The following ADAMTSL1 variants were observed in gnomAD, a reference collection of about 807,000 sequenced individuals.
ADAMTSL1 encodes the protein ADAMTS-like protein 1.
ADAMTSL1 carries 126 observed loss-of-function variants against 201.8 expected under a neutral mutation model. That is an observed-to-expected ratio of 0.62 (90% CI 0.54 to 0.72). The LOEUF is 0.72. Among genes scored for constraint, ADAMTSL1 ranks in the 30% least tolerant of loss-of-function variants. The pLI is 0.00. For missense variants in ADAMTSL1, 2,679 were observed against 2,277.8 expected (o/e 1.18, Z -3.59); for synonymous variants, 1,121 against 903.4 (o/e 1.24, Z -4.32).
At chr9:18,009,825 A>C (rs533536244) in intron 1 of ADAMTSL1, among the ~76,000 whole-genome samples, 3 of 152,138 alleles carry the variant, frequency 2.0e-5, no homozygotes, top group African/African-American at 7.2e-5. Flanking sequence ...TCACGAAGCA[A>C]TTCTGCTTGT....
At chr9:18,528,470 T>G (rs1819235477) in intron 2 of ADAMTSL1, among the ~76,000 whole-genome samples, 1 of 152,182 alleles carries the variant, frequency 6.6e-6, no homozygotes, top group Non-Finnish European at 1.5e-5. Flanking sequence ...TGATTTTCTG[T>G]TCCTCCATTA....
intron 1 of ADAMTSL1, among the ~76,000 whole-genome samples, chr9:17,952,447 AC>A (rs1827763089): frequency 6.6e-6 from 1 of 152,032 alleles, no homozygotes; most frequent in Non-Finnish European, 1.5e-5. Context: ...AAGACAGTTT[AC>A]TAACTAGTCT....
At chr9:18,538,339 G>A (rs971273671) in intron 3 of ADAMTSL1, among the ~76,000 whole-genome samples, 7 of 152,048 alleles carry the variant, frequency 4.6e-5, no homozygotes, top group South Asian at 4.1e-4. Context: ...GGCAAAGGCC[G>A]CGGCATTATA....
chr9:18,165,300 T>A (rs1396895583), intron 2 of ADAMTSL1, among the ~76,000 whole-genome samples: 1 of 151,932 alleles, frequency 6.6e-6, no homozygotes, highest in Non-Finnish European at 1.5e-5. Flanking sequence ...AGATACTACA[T>A]GAAAACTTCA....
At chr9:18,816,455 T>C (rs558931029) in intron 20 of ADAMTSL1, among the ~76,000 whole-genome samples, 2 of 152,252 alleles carry the variant, frequency 1.3e-5, no homozygotes, top group African/African-American at 4.8e-5. Flanking sequence ...CAGGCTAGTC[T>C]CAAACTCCTG....
intron 19 of ADAMTSL1, 34 bp from the exon 20 acceptor site, chr9:18,795,363 T>A: frequency 6.2e-7 from 1 of 1,612,458 alleles, no homozygotes; most frequent in South Asian, 1.1e-5. Context: ...TCAACTGACT[T>A]GACCAGGTCT....
At chr9:18,550,346 C>A (rs560097638) in intron 3 of ADAMTSL1, among the ~76,000 whole-genome samples, 2 of 151,986 alleles carry the variant, frequency 1.3e-5, no homozygotes, top group South Asian at 4.2e-4. Flanking sequence ...CTCCTAAAAG[C>A]AGAGCGCTTT....
At chr9:17,983,079 T>TC (rs1818784732) in intron 1 of ADAMTSL1, among the ~76,000 whole-genome samples, 1 of 136,682 alleles carries the variant, frequency 7.3e-6, no homozygotes, top group African/African-American at 2.7e-5. Context: ...TTTCTTTCTT[T>TC]TTTTTTTTTG....
chr9:18,727,093 CA>C, intron 15 of ADAMTSL1, among the ~76,000 whole-genome samples: 1 of 152,328 alleles, frequency 6.6e-6, no homozygotes, highest in Admixed American at 6.5e-5. Context: ...TGTATACTAG[CA>C]GCAAATGATT....
At chr9:18,854,751 G>A (rs767600650) in intron 23 of ADAMTSL1, among the ~76,000 whole-genome samples, 4 of 152,066 alleles carry the variant, frequency 2.6e-5, no homozygotes, top group Admixed American at 6.6e-5. Context: ...ACTGGAGAGG[G>A]TGGAAGAACA....
chr9:18,714,655 A>G (rs1450235351), intron 14 of ADAMTSL1, among the ~76,000 whole-genome samples: 1 of 150,068 alleles, frequency 6.7e-6, no homozygotes, highest in Non-Finnish European at 1.5e-5. Flanking sequence ...TCACAGCCGA[A>G]TTCTACCAGA....
chr9:18,299,760 G>A (rs769816196), intron 2 of ADAMTSL1, among the ~76,000 whole-genome samples: 9 of 152,200 alleles, frequency 5.9e-5, no homozygotes, highest in Non-Finnish European at 1.0e-4. Context: ...GTGGACCACA[G>A]CTAGGCCAAT....
chr9:18,195,307 C>A (rs990541719), intron 2 of ADAMTSL1, among the ~76,000 whole-genome samples: 3 of 152,116 alleles, frequency 2.0e-5, no homozygotes, highest in Non-Finnish European at 1.5e-5. Context: ...TCCTCCAATG[C>A]TTTTGGTGGC....
chr9:18,809,604 A>C (rs1194317584), intron 20 of ADAMTSL1, among the ~76,000 whole-genome samples: 2 of 152,172 alleles, frequency 1.3e-5, no homozygotes, highest in Non-Finnish European at 2.9e-5. Context: ...AGCCTGACCA[A>C]TATGGTGAAA....
intron 25 of ADAMTSL1, 78 bp downstream of exon 25, chr9:18,889,826 C>G (rs1232699639): frequency 7.3e-7 from 1 of 1,361,826 alleles, no homozygotes; most frequent in Non-Finnish European, 9.6e-7. Flanking sequence ...GTGGCCAGCC[C>G]TTCAGTAGCA....
chr9:18,807,419 C>T (rs926949815), intron 20 of ADAMTSL1, among the ~76,000 whole-genome samples: 2 of 151,872 alleles, frequency 1.3e-5, no homozygotes, highest in East Asian at 1.9e-4. Flanking sequence ...CCGAGGCGGG[C>T]GGATCACGAG....
chr9:18,803,044 G>A (rs961864779), intron 20 of ADAMTSL1, among the ~76,000 whole-genome samples: 1 of 152,158 alleles, frequency 6.6e-6, no homozygotes, highest in African/African-American at 2.4e-5. Context: ...AGGTGTATAT[G>A]GCCTGCGTAT....
At chr9:18,453,276 C>T (rs1436348811) in intron 2 of ADAMTSL1, among the ~76,000 whole-genome samples, 1 of 152,090 alleles carries the variant, frequency 6.6e-6, no homozygotes, top group African/African-American at 2.4e-5. Flanking sequence ...GGGTGACAAG[C>T]CTGTGGAGGG....
chr9:18,829,291 A>G (rs1306563228), intron 22 of ADAMTSL1, among the ~76,000 whole-genome samples: 2 of 152,214 alleles, frequency 1.3e-5, no homozygotes, highest in African/African-American at 4.8e-5. Context: ...CTACTTAGGC[A>G]TAAAAATCCA....
Sources: gnomAD v4.1 joint callset for allele counts (sites outside exome capture counted in the v4.1 genomes callset) on GRCh38, gnomAD v4.1.1 for gene constraint, MANE v1.5 for transcripts, NCBI Gene and HGNC (gene_info 2026-07-23, HGNC 2026-07-21) for gene names.